SEMA5A: variants seen among roughly 807,000 people sequenced by gnomAD.
The protein encoded by SEMA5A is semaphorin-5A.
A neutral mutation model predicts 135.5 loss-of-function variants in SEMA5A; 55 were observed. The observed-to-expected ratio is 0.41, with a 90% CI of 0.33 to 0.51. SEMA5A has a LOEUF of 0.51. Ranked by LOEUF, SEMA5A falls within the 20% of genes least tolerant of loss-of-function variation. The pLI is 0.37. For synonymous variants in SEMA5A, 580 were observed against 546.5 expected, an observed-to-expected ratio of 1.06 and a Z score of -0.85; for missense variants, 1,290 against 1,419.9, an observed-to-expected ratio of 0.91 and a Z score of 1.47.
intron 5 of SEMA5A, among the ~76,000 whole-genome samples, chr5:9,298,607 A>C (rs1357457340): frequency 6.6e-6 from 1 of 152,224 alleles, no homozygotes; most frequent in African/African-American, 2.4e-5. Context: ...TAATCTTTAA[A>C]ACTTACATAG....
intron 1 of SEMA5A, among the ~76,000 whole-genome samples, chr5:9,520,554 A>G (rs1279929772): frequency 6.6e-6 from 1 of 152,152 alleles, no homozygotes; most frequent in Non-Finnish European, 1.5e-5. Context: ...ATCTGGGCCT[A>G]TTGAAGATAG....
chr5:9,170,841 G>C (rs1019350499), intron 11 of SEMA5A, among the ~76,000 whole-genome samples: 4 of 152,124 alleles, frequency 2.6e-5, no homozygotes, highest in Admixed American at 1.3e-4. Flanking sequence ...TGATAAAGGA[G>C]ACCCTTTCAT....
chr5:9,485,460 C>T (rs562879031), intron 1 of SEMA5A, among the ~76,000 whole-genome samples: 8 of 152,176 alleles, frequency 5.3e-5, no homozygotes, highest in South Asian at 2.1e-4. Context: ...AGGGATGCCC[C>T]GAGCTCAGAG....
At chr5:9,245,141 T>C (rs1050427427) in intron 5 of SEMA5A, among the ~76,000 whole-genome samples, 1 of 152,168 alleles carries the variant, frequency 6.6e-6, no homozygotes, top group Non-Finnish European at 1.5e-5. Flanking sequence ...AAGTTTTAAA[T>C]TGTGGACAAT....
At position 9,113,612 on chromosome 5, in the gene SEMA5A, A is replaced by C. The variant is rs1205419511; in HGVS notation, c.1926-5325T>G. On this transcript the variant is annotated intron_variant, in intron 15 of 22. Transcript: ENST00000382496. ...AAATAAATTAGTTATTGAAAAAGACAAAAACACAATTAGAAAAACAGGCAA... is the reference window on the plus strand; with the variant it reads ...AAATAAATTAGTTATTGAAAAAGACCAAAACACAATTAGAAAAACAGGCAA... Among the ~76,000 whole-genome samples, 3 of 152,362 alleles carry C rather than the reference A, an allele frequency of 2.0e-5. No homozygotes were observed. In the East Asian group the frequency reaches 5.8e-4, roughly 29 times the overall value.
chr5:9,173,593 T>C (rs1744046525), intron 11 of SEMA5A, among the ~76,000 whole-genome samples: 2 of 152,118 alleles, frequency 1.3e-5, no homozygotes, highest in Non-Finnish European at 2.9e-5. Context: ...ACTAATCCCA[T>C]TCATGAGGAA....
At chr5:9,167,200 CTGTT>C (rs1310043046) in intron 11 of SEMA5A, among the ~76,000 whole-genome samples, 1 of 152,194 alleles carries the variant, frequency 6.6e-6, no homozygotes, top group East Asian at 1.9e-4. Context: ...ATGTTCCAAG[CTGTT>C]TGTTAGCTCG....
chr5:9,484,647 A>T (rs1190341560), intron 1 of SEMA5A, among the ~76,000 whole-genome samples: 1 of 152,204 alleles, frequency 6.6e-6, no homozygotes, highest in East Asian at 1.9e-4. Context: ...ATCACAGTTA[A>T]ATGTTATTTG....
intron 3 of SEMA5A, among the ~76,000 whole-genome samples, chr5:9,356,326 G>A (rs1225749556): frequency 2.0e-5 from 3 of 152,158 alleles, no homozygotes; most frequent in African/African-American, 4.8e-5. Flanking sequence ...GTGCATGTGC[G>A]TGCACACACA....
At chr5:9,306,642 T>C (rs913929770) in intron 5 of SEMA5A, among the ~76,000 whole-genome samples, 1 of 152,148 alleles carries the variant, frequency 6.6e-6, no homozygotes, top group African/African-American at 2.4e-5. Context: ...GTCACTTTCA[T>C]CAGCCAAGAG....
rs1228043762 is a variant in SEMA5A at position 9,040,883 on chromosome 5, GA to G, written c.*2013del. On this transcript the variant is annotated 3_prime_UTR_variant, in exon 23 of 23. Coordinates refer to ENST00000382496, the MANE Select transcript of SEMA5A (RefSeq NM_003966.3). ...AAATAACTAAAATGTGCTACAAAGTGAAAATGTTTTTTTCTTACAAGAAACT... is the reference window on the plus strand; with the variant it reads ...AAATAACTAAAATGTGCTACAAAGTGAAATGTTTTTTTCTTACAAGAAACT... 6 of 152,200 alleles carry G rather than the reference GA, an allele frequency of 3.9e-5. No homozygotes were observed. Among genetic ancestry groups the G allele is most frequent in the African/African-American group, 1.2e-4 (5 of 41,444 alleles). 9.4% of individuals were successfully genotyped at this position (152,200 alleles called of 1,614,324 possible).
intron 5 of SEMA5A, among the ~76,000 whole-genome samples, chr5:9,257,143 G>C (rs1749114047): frequency 6.6e-6 from 1 of 152,208 alleles, no homozygotes; most frequent in Non-Finnish European, 1.5e-5. Flanking sequence ...GAGTGAGTGT[G>C]GCTTAACTGG....
At chr5:9,189,662 C>T (rs1369834795) in intron 11 of SEMA5A, among the ~76,000 whole-genome samples, 1 of 152,196 alleles carries the variant, frequency 6.6e-6, no homozygotes, top group East Asian at 1.9e-4. Flanking sequence ...TGGCCTCACA[C>T]ACCCAGAGCC....
intron 16 of SEMA5A, among the ~76,000 whole-genome samples, chr5:9,067,580 CATAAAATAAA>C (rs10572661): frequency 2.6e-5 from 4 of 151,018 alleles, no homozygotes; most frequent in African/African-American, 9.7e-5. Context: ...TAAGCTTTAT[CATAAAATAAA>C]ATAAAATAAA....
At chr5:9,044,099 G>A (rs1736109155) in intron 22 of SEMA5A, among the ~76,000 whole-genome samples, 1 of 152,170 alleles carries the variant, frequency 6.6e-6, no homozygotes, top group African/African-American at 2.4e-5. Flanking sequence ...GGTTTAAGCA[G>A]GGTCCAAGGG....
intron 5 of SEMA5A, among the ~76,000 whole-genome samples, chr5:9,265,905 G>A (rs1049989661): frequency 5.3e-5 from 8 of 152,166 alleles, no homozygotes; most frequent in Non-Finnish European, 8.8e-5. Context: ...AATGCTAGGC[G>A]GAGAAGGGCA....
At chr5:9,322,524 T>C (rs1224342482) in intron 4 of SEMA5A, among the ~76,000 whole-genome samples, 1 of 152,180 alleles carries the variant, frequency 6.6e-6, no homozygotes, top group African/African-American at 2.4e-5. Flanking sequence ...TTTTGTAGTA[T>C]TTTCTGGGTT....
intron 4 of SEMA5A, among the ~76,000 whole-genome samples, chr5:9,326,036 AG>A (rs1218218264): frequency 6.6e-6 from 1 of 152,192 alleles, no homozygotes; most frequent in East Asian, 1.9e-4. Flanking sequence ...AACAATCCAA[AG>A]ACAAAACAGA....
At chr5:9,087,795 C>T (rs1738781328) in intron 16 of SEMA5A, among the ~76,000 whole-genome samples, 1 of 152,076 alleles carries the variant, frequency 6.6e-6, no homozygotes, top group African/African-American at 2.4e-5. Context: ...ATTCAAAGCC[C>T]TCTTTCAGGC....
Sources: allele counts gnomAD v4.1 joint callset (sites outside exome capture counted in the v4.1 genomes callset), GRCh38; gene constraint gnomAD v4.1.1; transcripts MANE v1.5; gene names NCBI Gene and HGNC (gene_info 2026-07-23, HGNC 2026-07-21).